SEC14L6: variants seen among roughly 807,000 people sequenced by gnomAD.
The protein encoded by SEC14L6 is SEC14-like protein 6.
Under a neutral mutation model 54.1 loss-of-function variants are expected in SEC14L6, and 40 were observed. That is an observed-to-expected ratio of 0.74 (90% CI 0.57 to 0.96). The LOEUF (loss-of-function observed/expected upper bound fraction) is 0.96, where lower values mean the gene tolerates loss of function less well. SEC14L6 is among the 40% of genes least tolerant of loss of function. The pLI, the probability that SEC14L6 is intolerant of heterozygous loss-of-function variation, is 0.00. For missense variants in SEC14L6, 471 were observed against 498.3 expected (o/e 0.95, Z 0.52); for synonymous variants, 171 against 198.4 (o/e 0.86, Z 1.16).
In SEC14L6 at chr22:30,543,969, C is replaced by A; in HGVS notation, c.54+2660G>T. 3 of 1,605,318 alleles carry A rather than the reference C, an allele frequency of 1.9e-6. No homozygotes were observed. The South Asian group carries it at 3.3e-5, about 18-fold the overall frequency. On this transcript the variant is annotated intron_variant, in intron 1 of 11. Coordinates refer to ENST00000402034, the MANE Select transcript of SEC14L6 (RefSeq NM_001193336.4). Reference sequence around the variant, plus strand: ...GCCTGCAGCCTGCGTCGGAGGACACCCTCACCTATGCTGACCTGGACATGG... The same window carrying A: ...GCCTGCAGCCTGCGTCGGAGGACACACTCACCTATGCTGACCTGGACATGG...
In SEC14L6 at chr22:30,523,302, C is replaced by T. The variant is rs113355698; in HGVS notation, c.*1695G>A. On this transcript the variant is annotated 3_prime_UTR_variant, in exon 12 of 12. Coordinates refer to ENST00000402034, the MANE Select transcript of SEC14L6 (RefSeq NM_001193336.4). ...AAAGAGGCCTGATCGCAGGACAGCA[C>T]TCTAGTAGGACTGTGGGCTGACACC... 0.035 allele frequency: 5,381 copies of T among 152,314 alleles called. 133 individuals are homozygous for T. Among genetic ancestry groups the T allele is most frequent in the African/African-American group, 0.065 (2,694 of 41,536 alleles). The allele number at this position is 152,314 out of a possible 1,614,324, so 9.4% of individuals were successfully genotyped here.
At chr22:30,539,736 T>C (rs2085666187) in intron 1 of SEC14L6, among the ~76,000 whole-genome samples, 1 of 152,206 alleles carries the variant, frequency 6.6e-6, no homozygotes, top group Non-Finnish European at 1.5e-5. Context: ...GTGTACCTGA[T>C]AGGTTAGGGT....
At chr22:30,535,887 GTTT>G (rs71643521) in intron 2 of SEC14L6, among the ~76,000 whole-genome samples, 8,319 of 128,572 alleles carry the variant, frequency 0.065, 769 homozygotes, top group African/African-American at 0.21. Flanking sequence ...AGTTTTTTGT[GTTT>G]TTTTTTTTTT....
chr22:30,535,887 GTTTTTTT>G (rs71643521), intron 2 of SEC14L6, among the ~76,000 whole-genome samples: 2 of 128,520 alleles, frequency 1.6e-5, no homozygotes, highest in Non-Finnish European at 1.6e-5. Flanking sequence ...AGTTTTTTGT[GTTTTTTT>G]TTTTTTTTTT....
intron 1 of SEC14L6, chr22:30,543,851 C>T (rs2085767403): frequency 6.6e-7 from 1 of 1,515,352 alleles, no homozygotes; most frequent in South Asian, 1.1e-5. Flanking sequence ...AATGATATCA[C>T]ATATGCGGAC....
intron 1 of SEC14L6, among the ~76,000 whole-genome samples, chr22:30,540,456 C>G (rs1440873170): frequency 1.3e-5 from 2 of 149,856 alleles, no homozygotes; most frequent in Admixed American, 6.7e-5. Context: ...TGGCTCACAC[C>G]TGTAATCCCA....
chr22:30,526,151 C>A (rs569795699), intron 8 of SEC14L6, among the ~76,000 whole-genome samples: 65 of 152,146 alleles, frequency 4.3e-4, no homozygotes, highest in Admixed American at 2.2e-3. Context: ...TAGGTCCTGT[C>A]CCAGGCCTGC....
At chr22:30,534,390 C>T (rs1937078422) in intron 2 of SEC14L6, among the ~76,000 whole-genome samples, 1 of 149,356 alleles carries the variant, frequency 6.7e-6, no homozygotes, top group African/African-American at 2.5e-5. Context: ...GCCCTTAATA[C>T]TCTTTAATTT....
chr22:30,533,684 T>G (rs117005021), intron 3 of SEC14L6, among the ~76,000 whole-genome samples: 2,660 of 152,290 alleles, frequency 0.017, 50 homozygotes, highest in Middle Eastern at 0.048. Context: ...CTTCACATGC[T>G]TGCTTCCTTT....
intron 2 of SEC14L6, among the ~76,000 whole-genome samples, chr22:30,536,325 G>A (rs535897115): frequency 7.9e-5 from 12 of 152,156 alleles, no homozygotes; most frequent in African/African-American, 2.9e-4. Context: ...GATCAACATG[G>A]TTTCATAGTG....
At chr22:30,539,911 C>G (rs901089373) in intron 1 of SEC14L6, among the ~76,000 whole-genome samples, 2 of 152,178 alleles carry the variant, frequency 1.3e-5, no homozygotes, top group South Asian at 2.1e-4. Flanking sequence ...AGAGGCCACT[C>G]CTGGGTGGAT....
chr22:30,535,887 G>GT (rs71643521), intron 2 of SEC14L6, among the ~76,000 whole-genome samples: 1,896 of 128,262 alleles, frequency 0.015, 38 homozygotes, highest in East Asian at 0.06. Flanking sequence ...AGTTTTTTGT[G>GT]TTTTTTTTTT....
chr22:30,539,845 A>G (rs1463607868), intron 1 of SEC14L6, among the ~76,000 whole-genome samples: 1 of 152,072 alleles, frequency 6.6e-6, no homozygotes, highest in Non-Finnish European at 1.5e-5. Context: ...CTGGCCTGGG[A>G]GTTGGTTAGG....
intron 1 of SEC14L6, among the ~76,000 whole-genome samples, chr22:30,540,889 G>C (rs1432587909): frequency 6.6e-6 from 1 of 151,654 alleles, no homozygotes. Flanking sequence ...CGTGGTGGCA[G>C]GCGCCTGTAA....
chr22:30,526,080 A>G, intron 8 of SEC14L6, 148 bp from the exon 9 acceptor site: 5 of 943,336 alleles, frequency 5.3e-6, no homozygotes, highest in Non-Finnish European at 8.2e-6. Flanking sequence ...GTCCTGTCCC[A>G]GAAGAGGGAA....
At chr22:30,531,050 GC>G (rs980694758) in intron 6 of SEC14L6, among the ~76,000 whole-genome samples, 58 of 152,170 alleles carry the variant, frequency 3.8e-4, no homozygotes, top group African/African-American at 1.4e-3. Context: ...ACCTGGGGGT[GC>G]CACGCCCAAC....
chr22:30,528,116 TTTC>T (rs1407428301), intron 8 of SEC14L6, among the ~76,000 whole-genome samples: 1 of 147,522 alleles, frequency 6.8e-6, no homozygotes, highest in Non-Finnish European at 1.5e-5. Context: ...AAAACCTAGA[TTTC>T]TTTTTTTTTT....
intron 2 of SEC14L6, among the ~76,000 whole-genome samples, chr22:30,536,589 C>T (rs147972151): frequency 6.6e-6 from 1 of 152,332 alleles, no homozygotes; most frequent in Non-Finnish European, 1.5e-5. Context: ...CTGACTTTGT[C>T]ACCTGCTAGC....
At chr22:30,529,532 C>G (rs974227923) in intron 6 of SEC14L6, among the ~76,000 whole-genome samples, 183 bp from the exon 7 acceptor site, 1 of 152,164 alleles carries the variant, frequency 6.6e-6, no homozygotes, top group Admixed American at 6.5e-5. Context: ...GAGAAGCTGC[C>G]ACTTCTGGTT....
Sources: gnomAD v4.1 joint callset for allele counts (sites outside exome capture counted in the v4.1 genomes callset) on GRCh38, gnomAD v4.1.1 for gene constraint, MANE v1.5 for transcripts, NCBI Gene and HGNC (gene_info 2026-07-23, HGNC 2026-07-21) for gene names.